Variants in ERG observed in about 807,000 individuals in gnomAD.
The protein encoded by ERG is transcriptional regulator ERG.
A neutral mutation model predicts 55.3 loss-of-function variants in ERG; 9 were observed. The ratio of observed to expected loss-of-function variants is 0.16; its 90% confidence interval spans 0.10 to 0.28. The LOEUF is 0.28. Among genes scored for constraint, ERG ranks in the 10% least tolerant of loss-of-function variants. The pLI, the probability that ERG is intolerant of heterozygous loss-of-function variation, is 1.00. For synonymous variants in ERG, 223 were observed against 237.3 expected (o/e 0.94, Z 0.55); for missense variants, 434 against 631.6 (o/e 0.69, Z 3.35).
At position 38,381,872 on chromosome 21, in the gene ERG, G is replaced by A. The variant is rs887367975; in HGVS notation, c.*1531C>T. 6 of 1,063,348 alleles carry A rather than the reference G, an allele frequency of 5.6e-6. No individual in the cohort carries two copies. Among genetic ancestry groups the A allele is most frequent in the African/African-American group, 4.9e-5 (3 of 60,966 alleles). 65.9% of individuals were successfully genotyped at this position (1,063,348 alleles called of 1,614,324 possible). On this transcript the variant is annotated 3_prime_UTR_variant, in exon 10 of 10. Coordinates refer to ENST00000288319, the MANE Select transcript of ERG (RefSeq NM_182918.4). ...GCAAGAAGGACCTGGAGAGGCTGAC[G>A]CCATTTGGGTGCCAAACATCCTATT...
chr21:38,527,209 G>A (rs2059636113), intron 2 of ERG, among the ~76,000 whole-genome samples: 1 of 152,214 alleles, frequency 6.6e-6, no homozygotes, highest in African/African-American at 2.4e-5. Flanking sequence ...CTGAAACAGT[G>A]AGAAGAAGAT....
At chr21:38,589,644 T>G (rs1453343779), upstream of ERG, among the ~76,000 whole-genome samples, 1 of 152,120 alleles carries the variant, frequency 6.6e-6, no homozygotes, top group Non-Finnish European at 1.5e-5. Context: ...AGAGTAGTAG[T>G]CCTGTCTGTG....
intron 2 of ERG, among the ~76,000 whole-genome samples, chr21:38,551,447 T>C (rs893615000): frequency 6.6e-6 from 1 of 152,186 alleles, no homozygotes; most frequent in African/African-American, 2.4e-5. Flanking sequence ...ATTAGGCTGT[T>C]AATTTAAGAT....
intron 1 of ERG, among the ~76,000 whole-genome samples, chr21:38,476,194 G>A (rs1172666921): frequency 6.6e-6 from 1 of 152,000 alleles, no homozygotes; most frequent in Non-Finnish European, 1.5e-5. Context: ...TAGTCCTTAG[G>A]AATGAAAATC....
intron 2 of ERG, among the ~76,000 whole-genome samples, chr21:38,542,801 T>C (rs557971414): frequency 2.0e-5 from 3 of 152,342 alleles, no homozygotes; most frequent in South Asian, 4.1e-4. Flanking sequence ...ATAGAAAAGA[T>C]ATTTTATAGA....
At chr21:38,448,522 G>A (rs1010889309) in intron 1 of ERG, among the ~76,000 whole-genome samples, 7 of 152,270 alleles carry the variant, frequency 4.6e-5, no homozygotes, top group Non-Finnish European at 1.0e-4. Context: ...ACTCAACAAA[G>A]GCTGCTGAAC....
At chr21:38,593,178 A>AT (rs2060111355) in intron 1 of ERG, among the ~76,000 whole-genome samples, 1 of 152,218 alleles carries the variant, frequency 6.6e-6, no homozygotes, top group Non-Finnish European at 1.5e-5. Context: ...CATGTCCCTC[A>AT]GTGTGGGAAC....
At chr21:38,551,043 T>C in intron 2 of ERG, among the ~76,000 whole-genome samples, 1 of 152,128 alleles carries the variant, frequency 6.6e-6, no homozygotes, top group South Asian at 2.1e-4. Context: ...TGAGGAAAAA[T>C]AACTATTTCT....
At chr21:38,455,123 T>C (rs56031323) in intron 1 of ERG, among the ~76,000 whole-genome samples, 10,398 of 143,722 alleles carry the variant, frequency 0.072, 350 homozygotes, top group South Asian at 0.14. Flanking sequence ...TCTTTCTTTT[T>C]TTTTTTTTTT....
rs540573307 is a variant in ERG at position 38,470,702 on chromosome 21, T to C, written c.19-25081A>G. The C allele has an allele frequency of 4.3e-4, 66 of 152,348 alleles. 1 individual carries two copies. In the East Asian group the frequency reaches 5.0e-3, roughly 12 times the overall value. 9.4% of individuals were successfully genotyped at this position (152,348 alleles called of 1,614,324 possible). A position where few individuals can be genotyped will look rare whatever the true frequency, so the allele number is the denominator to read the frequency against. The stretch of plus-strand genomic sequence containing the variant: ...GTCCTGGACCAGGAACCAAATAAAA[T>C]TGACCCAGCTTTCCGACCATGGAAA... On this transcript the variant is annotated intron_variant, in intron 1 of 9. Coordinates refer to ENST00000288319, the MANE Select transcript of ERG (RefSeq NM_182918.4).
At chr21:38,453,312 A>C (rs2058958264) in intron 1 of ERG, among the ~76,000 whole-genome samples, 2 of 152,246 alleles carry the variant, frequency 1.3e-5, no homozygotes, top group African/African-American at 2.4e-5. Flanking sequence ...GAAACTCTAG[A>C]AATATTGTGA....
chr21:38,394,220 C>T (rs58562405), intron 6 of ERG, among the ~76,000 whole-genome samples: 3,075 of 152,252 alleles, frequency 0.02, 91 homozygotes, highest in African/African-American at 0.069. Context: ...TACAGAAATA[C>T]AGAAATATGT....
At chr21:38,531,565 C>T (rs990239957) in intron 2 of ERG, among the ~76,000 whole-genome samples, 1 of 152,114 alleles carries the variant, frequency 6.6e-6, no homozygotes, top group Non-Finnish European at 1.5e-5. Context: ...AAATAAGATG[C>T]CATTTTTAAT....
At chr21:38,632,642 GA>G (rs2060363900) in intron 1 of ERG, among the ~76,000 whole-genome samples, 1 of 152,230 alleles carries the variant, frequency 6.6e-6, no homozygotes, top group African/African-American at 2.4e-5. Flanking sequence ...TGCCATGTAA[GA>G]TGTGACTTTC....
chr21:38,643,873 C>T (rs923694316), intron 1 of ERG, among the ~76,000 whole-genome samples: 4 of 152,186 alleles, frequency 2.6e-5, no homozygotes, highest in Non-Finnish European at 5.9e-5. Context: ...TGGCTGGCCA[C>T]GTGGGGCAGG....
chr21:38,527,177 A>C lies in ERG; in HGVS notation c.-41+48485T>G, dbSNP rs545361407. 2.6e-5 allele frequency among the ~76,000 whole-genome samples: 4 copies of C among 152,328 alleles called. No individual in the cohort carries two copies. In the South Asian group the frequency reaches 8.3e-4, roughly 32 times the overall value. Reference sequence around the variant, plus strand: ...CCTATCCCACACTAGCCCTTGGTGAAATTCAAGGGCATAATATTAGACTGA... The same window carrying C: ...CCTATCCCACACTAGCCCTTGGTGACATTCAAGGGCATAATATTAGACTGA... On this transcript the variant is annotated intron_variant, in intron 2 of 8. Transcript: ENST00000398897.
chr21:38,381,115 T>C lies in ERG; in HGVS notation c.*2288A>G, dbSNP rs1987412502. 9.4e-7 allele frequency: 1 copy of C among 1,064,882 alleles called. No individual in the cohort carries two copies. Among genetic ancestry groups the C allele is most frequent in the Admixed American group, 5.4e-5 (1 of 18,686 alleles). 66.0% of individuals were successfully genotyped at this position (1,064,882 alleles called of 1,614,324 possible). ...TGACACGGGGTGTCAGGAGCATTGG[T>C]AATCGTGTCCTGCCGACTTCAAAGC... On this transcript the variant is annotated 3_prime_UTR_variant, in exon 10 of 10. Coordinates refer to ENST00000288319, the MANE Select transcript of ERG (RefSeq NM_182918.4).
chr21:38,449,873 G>C (rs1341407788), intron 1 of ERG, among the ~76,000 whole-genome samples: 1 of 152,126 alleles, frequency 6.6e-6, no homozygotes, highest in East Asian at 1.9e-4. Context: ...CTTTAAGAAT[G>C]GTCAGGTGAA....
chr21:38,418,302 T>C (rs113948173), intron 3 of ERG, among the ~76,000 whole-genome samples: 4 of 151,650 alleles, frequency 2.6e-5, no homozygotes, highest in African/African-American at 9.7e-5. Context: ...TGTGTGTGTG[T>C]CTGGGAAAGG....
Sources: allele counts gnomAD v4.1 joint callset (sites outside exome capture counted in the v4.1 genomes callset), GRCh38; gene constraint gnomAD v4.1.1; transcripts MANE v1.5; gene names NCBI Gene and HGNC (gene_info 2026-07-23, HGNC 2026-07-21).